GRIA4: variants seen among roughly 807,000 people sequenced by gnomAD.
GRIA4 encodes the protein glutamate receptor 4.
Under a neutral mutation model 104.0 loss-of-function variants are expected in GRIA4, and 34 were observed. The ratio of observed to expected loss-of-function variants is 0.33; its 90% CI spans 0.25 to 0.44. The LOEUF (loss-of-function observed/expected upper bound fraction) is 0.44. GRIA4 is among the 20% of genes least tolerant of loss of function. The pLI, the probability that GRIA4 is intolerant of heterozygous loss-of-function variation, is 1.00. For synonymous variants in GRIA4, 386 were observed against 381.9 expected, an observed-to-expected ratio of 1.01 and a Z score of -0.13; for missense variants, 750 against 1,096.5, an observed-to-expected ratio of 0.68 and a Z score of 4.46.
intron 14 of GRIA4, among the ~76,000 whole-genome samples, chr11:105,936,104 A>C (rs1261365176): frequency 6.6e-6 from 1 of 152,120 alleles, no homozygotes; most frequent in East Asian, 1.9e-4. Flanking sequence ...GCTGACCAGC[A>C]TGCACCTCAC....
intron 3 of GRIA4, among the ~76,000 whole-genome samples, chr11:105,616,510 G>C (rs1033248945): frequency 1.3e-5 from 2 of 151,502 alleles, no homozygotes; most frequent in African/African-American, 4.8e-5. Context: ...TTATAAAGTA[G>C]GTACTTAATA....
intron 3 of GRIA4, among the ~76,000 whole-genome samples, chr11:105,720,033 C>T (rs79896019): frequency 0.034 from 5,134 of 151,568 alleles, 192 homozygotes; most frequent in African/African-American, 0.09. Flanking sequence ...TATTCACTTG[C>T]CATCTGTGAA....
At chr11:105,646,173 G>A in intron 3 of GRIA4, among the ~76,000 whole-genome samples, 1 of 152,144 alleles carries the variant, frequency 6.6e-6, no homozygotes. Flanking sequence ...TGGAACATAA[G>A]TCACCTATCA....
chr11:105,704,527 T>C (rs1210513741), intron 3 of GRIA4, among the ~76,000 whole-genome samples: 9 of 152,032 alleles, frequency 5.9e-5, no homozygotes. Flanking sequence ...AAGGAGCTCA[T>C]TCTTCATCTT....
chr11:105,686,534 T>C (rs189119627), intron 3 of GRIA4, among the ~76,000 whole-genome samples: 56 of 152,340 alleles, frequency 3.7e-4, no homozygotes, highest in South Asian at 2.7e-3. Flanking sequence ...GCAATAATCA[T>C]GTAAGTGCAT....
intron 4 of GRIA4, 56 bp downstream of exon 4, chr11:105,753,276 G>T: frequency 6.5e-7 from 1 of 1,540,174 alleles, no homozygotes; most frequent in Non-Finnish European, 8.9e-7. Flanking sequence ...ATGTGAAATG[G>T]CCTTATATGA....
intron 4 of GRIA4, among the ~76,000 whole-genome samples, chr11:105,822,577 T>C (rs1943615098): frequency 1.3e-5 from 2 of 152,174 alleles, no homozygotes; most frequent in Admixed American, 1.3e-4. Context: ...ATTTTCCTTT[T>C]ACCATATTTG....
chr11:105,975,520 T>C (rs372455712), intron 16 of GRIA4, among the ~76,000 whole-genome samples: 16 of 152,216 alleles, frequency 1.1e-4, no homozygotes, highest in African/African-American at 3.9e-4. Context: ...TAATAGGAAG[T>C]AGCTTTAAAA....
chr11:105,840,983 C>A lies in GRIA4; in HGVS notation c.488-21041C>A, dbSNP rs190568009. Among the ~76,000 whole-genome samples the A allele has an allele frequency of 4.1e-3, 630 of 152,268 alleles. 9 individuals carry two copies. The highest frequency in any genetic ancestry group is 0.015 in the African/African-American group (605 of 41,570). ...ACTTAGGGAAAGCTCTAACAACAAA[C>A]AAACATATTAGCCTGTATAGAAATG... On this transcript the variant is annotated intron_variant, in intron 4 of 16. Coordinates refer to ENST00000282499, the MANE Select transcript of GRIA4 (RefSeq NM_000829.4).
At chr11:105,736,922 T>C (rs1938991145) in intron 3 of GRIA4, among the ~76,000 whole-genome samples, 1 of 152,110 alleles carries the variant, frequency 6.6e-6, no homozygotes, top group Non-Finnish European at 1.5e-5. Context: ...CCAAAGCACT[T>C]ACTGCTTTCA....
At chr11:105,669,628 A>T (rs892762035) in intron 3 of GRIA4, among the ~76,000 whole-genome samples, 1 of 152,052 alleles carries the variant, frequency 6.6e-6, no homozygotes, top group Admixed American at 6.6e-5. Flanking sequence ...TTTGTGGTTT[A>T]CCTGTTTGTG....
chr11:105,813,516 T>A (rs1943258420), intron 4 of GRIA4, among the ~76,000 whole-genome samples: 1 of 152,124 alleles, frequency 6.6e-6, no homozygotes, highest in Non-Finnish European at 1.5e-5. Flanking sequence ...AGAAACATGG[T>A]GTTGGGACAC....
intron 10 of GRIA4, among the ~76,000 whole-genome samples, chr11:105,914,640 C>G (rs1947348347): frequency 6.6e-6 from 1 of 151,984 alleles, no homozygotes; most frequent in Non-Finnish European, 1.5e-5. Context: ...GATGTAGAAC[C>G]CCATTCATTA....
At position 105,908,613 on chromosome 11, in the gene GRIA4, C is replaced by CAAA. The variant is rs386362602; in HGVS notation, c.1159-1822_1159-1821insAAA. ...ACCAGAATTGCATATAGGTATAAGGCCAAAAAAAAAAATAAAGTTTGCTTA... is the reference window on the plus strand; with the variant it reads ...ACCAGAATTGCATATAGGTATAAGGCAAACAAAAAAAAAAATAAAGTTTGCTTA... On this transcript the variant is annotated intron_variant, in intron 9 of 16. Transcript: ENST00000282499. 5.7e-3 allele frequency among the ~76,000 whole-genome samples: 743 copies of CAAA among 130,888 alleles called. 5 individuals carry two copies. Among genetic ancestry groups the CAAA allele is most frequent in the Admixed American group, 0.011 (141 of 13,142 alleles). 85.9% of individuals were successfully genotyped at this position (130,888 alleles called of 152,430 possible). A position where few individuals can be genotyped will look rare whatever the true frequency, so the allele number is the denominator to read the frequency against.
chr11:105,713,198 C>CAT (rs1953974209), intron 3 of GRIA4, among the ~76,000 whole-genome samples: 1 of 152,034 alleles, frequency 6.6e-6, no homozygotes, highest in South Asian at 2.1e-4. Context: ...GCCTAGCCAA[C>CAT]ATGGTGAAAC....
chr11:105,777,737 C>T (rs1339258711), intron 4 of GRIA4, among the ~76,000 whole-genome samples: 1 of 152,162 alleles, frequency 6.6e-6, no homozygotes, highest in African/African-American at 2.4e-5. Context: ...ACTGAAGTGA[C>T]AACCGTTCAT....
At chr11:105,801,886 T>C (rs1014148231) in intron 4 of GRIA4, among the ~76,000 whole-genome samples, 2 of 151,982 alleles carry the variant, frequency 1.3e-5, no homozygotes, top group Non-Finnish European at 2.9e-5. Context: ...CCAAGAAGAG[T>C]ATGACACCTA....
At chr11:105,799,051 C>T (rs1942608804) in intron 4 of GRIA4, among the ~76,000 whole-genome samples, 1 of 152,012 alleles carries the variant, frequency 6.6e-6, no homozygotes, top group South Asian at 2.1e-4. Context: ...CTAAACTCTG[C>T]CCTATGGCAC....
At chr11:105,617,044 T>C (rs541931828) in intron 3 of GRIA4, among the ~76,000 whole-genome samples, 1 of 150,486 alleles carries the variant, frequency 6.6e-6, no homozygotes, top group Non-Finnish European at 1.5e-5. Context: ...AAACTCCTAA[T>C]TTTTTTTCAA....
Sources: allele counts gnomAD v4.1 joint callset (sites outside exome capture counted in the v4.1 genomes callset), GRCh38; gene constraint gnomAD v4.1.1; transcripts MANE v1.5; gene names NCBI Gene and HGNC (gene_info 2026-07-23, HGNC 2026-07-21).